RBFOX1: variants seen among roughly 807,000 people sequenced by gnomAD.
The protein encoded by RBFOX1 is RNA binding protein fox-1 homolog 1.
Under a neutral mutation model 57.7 loss-of-function variants are expected in RBFOX1, and 8 were observed. That is an observed-to-expected ratio of 0.14 (90% confidence interval 0.08 to 0.25). The LOEUF (loss-of-function observed/expected upper bound fraction) is 0.25, where lower values mean the gene tolerates loss of function less well. RBFOX1 is among the 10% of genes least tolerant of loss of function. The probability of loss-of-function intolerance (pLI) is 1.00; values close to 1 mark genes in which losing one functional copy is unlikely to be tolerated. For missense variants in RBFOX1, 611 were observed against 548.5 expected, an observed-to-expected ratio of 1.11 and a Z score of -1.14; for synonymous variants, 326 against 222.4, an observed-to-expected ratio of 1.47 and a Z score of -4.15.
intron 3 of RBFOX1, among the ~76,000 whole-genome samples, chr16:5,676,182 A>G (rs557134081): frequency 6.6e-6 from 1 of 152,076 alleles, no homozygotes; most frequent in African/African-American, 2.4e-5. Context: ...AGGTGTAGCA[A>G]ACCACCATGG....
At chr16:5,856,107 A>C (rs1409024619) in intron 3 of RBFOX1, among the ~76,000 whole-genome samples, 16 of 116,034 alleles carry the variant, frequency 1.4e-4, no homozygotes, top group African/African-American at 4.2e-4. Flanking sequence ...AAATTTACTG[A>C]ATTTGTATAT....
chr16:6,992,426 C>A (rs945180938), intron 3 of RBFOX1, among the ~76,000 whole-genome samples: 22 of 152,076 alleles, frequency 1.4e-4, no homozygotes, highest in Non-Finnish European at 2.2e-4. Context: ...CCATGTTGGC[C>A]AGGCTGGTCT....
rs116528323 is a variant in RBFOX1, at chr16:6,871,686, T to G, written c.-15-180371T>G. Reference sequence around the variant, plus strand: ...ACTGGCCTTTCTTCCTCCACTCTTGTCCCCATTAATCTATTCTCCATATAC... The same window carrying G: ...ACTGGCCTTTCTTCCTCCACTCTTGGCCCCATTAATCTATTCTCCATATAC... On this transcript the variant is annotated intron_variant, in intron 3 of 15. Coordinates refer to ENST00000550418, the MANE Select transcript of RBFOX1 (RefSeq NM_018723.4). 8.7e-3 allele frequency among the ~76,000 whole-genome samples: 1,328 copies of G among 152,232 alleles called. 26 individuals are homozygous for G. Among genetic ancestry groups the G allele is most frequent in the African/African-American group, 0.03 (1,265 of 41,538 alleles).
intron 3 of RBFOX1, among the ~76,000 whole-genome samples, chr16:6,859,734 T>G (rs2058675495): frequency 6.6e-6 from 1 of 152,196 alleles, no homozygotes; most frequent in Non-Finnish European, 1.5e-5. Context: ...CTTTCACCCT[T>G]GATCTTTGAC....
intron 1 of RBFOX1, among the ~76,000 whole-genome samples, chr16:6,045,373 T>C (rs1330947678): frequency 6.6e-6 from 1 of 152,120 alleles, no homozygotes; most frequent in Non-Finnish European, 1.5e-5. Context: ...GAGAGTTCTC[T>C]AGGAAGTAGG....
intron 2 of RBFOX1, among the ~76,000 whole-genome samples, chr16:6,342,507 T>A (rs918821428): frequency 1.3e-5 from 2 of 152,072 alleles, no homozygotes; most frequent in African/African-American, 4.8e-5. Context: ...TCTCTAAATT[T>A]AAAGATGTGC....
At chr16:6,736,196 A>G (rs62017576) in intron 3 of RBFOX1, among the ~76,000 whole-genome samples, 124,232 of 151,944 alleles carry the variant, frequency 0.82, 50,844 homozygotes, top group East Asian at 0.9. Flanking sequence ...TTATTTTTCC[A>G]TAAGTTATTG....
chr16:6,966,056 C>T (rs1038872801), intron 3 of RBFOX1, among the ~76,000 whole-genome samples: 1 of 152,056 alleles, frequency 6.6e-6, no homozygotes, highest in East Asian at 1.9e-4. Context: ...AAATAAGAAC[C>T]TGGACTTTGA....
chr16:5,584,398 G>C (rs982717554), intron 2 of RBFOX1, among the ~76,000 whole-genome samples: 11 of 152,120 alleles, frequency 7.2e-5, no homozygotes, highest in Admixed American at 6.5e-5. Context: ...TTATCACCAA[G>C]CTGCATCTCC....
At chr16:5,857,158 A>G (rs1200269901) in intron 3 of RBFOX1, among the ~76,000 whole-genome samples, 1 of 152,138 alleles carries the variant, frequency 6.6e-6, no homozygotes, top group African/African-American at 2.4e-5. Flanking sequence ...TGTCTCAGAG[A>G]ATAGGGAGAC....
At chr16:6,392,217 T>G (rs17140114) in intron 2 of RBFOX1, among the ~76,000 whole-genome samples, 45,531 of 152,132 alleles carry the variant, frequency 0.3, 7,824 homozygotes, top group South Asian at 0.6. Flanking sequence ...CTTTTACTGG[T>G]TAACTCTAAG....
At chr16:5,480,379 T>A (rs2069487700) in intron 2 of RBFOX1, among the ~76,000 whole-genome samples, 2 of 148,866 alleles carry the variant, frequency 1.3e-5, no homozygotes, top group Non-Finnish European at 3.0e-5. Context: ...ATAGATTATT[T>A]AAAAAAAAAA....
At chr16:6,885,331 G>A (rs958804484) in intron 3 of RBFOX1, among the ~76,000 whole-genome samples, 2 of 152,130 alleles carry the variant, frequency 1.3e-5, no homozygotes, top group Non-Finnish European at 1.5e-5. Context: ...AAGCTCTAGG[G>A]TTTGGGTGTC....
At chr16:6,681,445 G>C (rs1253821117) in intron 3 of RBFOX1, among the ~76,000 whole-genome samples, 2 of 152,220 alleles carry the variant, frequency 1.3e-5, no homozygotes, top group Non-Finnish European at 2.9e-5. Flanking sequence ...GCTGTGTGAA[G>C]AAGAGTTCAG....
intron 2 of RBFOX1, among the ~76,000 whole-genome samples, chr16:6,510,957 G>A (rs1474818481): frequency 2.0e-5 from 3 of 152,130 alleles, no homozygotes; most frequent in Non-Finnish European, 4.4e-5. Context: ...GAAATGTGGT[G>A]TGTGCTGCTT....
intron 4 of RBFOX1, among the ~76,000 whole-genome samples, chr16:7,349,351 G>C (rs2097084342): frequency 6.6e-6 from 1 of 152,102 alleles, no homozygotes. Flanking sequence ...TTCAATTTAA[G>C]TGACTTCGCT....
intron 2 of RBFOX1, among the ~76,000 whole-genome samples, chr16:6,378,422 C>G (rs907790287): frequency 6.6e-6 from 1 of 152,192 alleles, no homozygotes; most frequent in Non-Finnish European, 1.5e-5. Flanking sequence ...ATGCTGGAAG[C>G]AGCACCGATG....
chr16:6,413,211 T>G (rs1301481488), intron 2 of RBFOX1, among the ~76,000 whole-genome samples: 1 of 150,486 alleles, frequency 6.6e-6, no homozygotes, highest in African/African-American at 2.5e-5. Flanking sequence ...CCCAGAGACT[T>G]GGGCGGCTGA....
chr16:5,450,726 C>G (rs1193980847), intron 1 of RBFOX1, among the ~76,000 whole-genome samples: 1 of 152,198 alleles, frequency 6.6e-6, no homozygotes, highest in Non-Finnish European at 1.5e-5. Context: ...GCTCTGATGC[C>G]TTGCTGGGAG....
Sources: gnomAD v4.1 joint callset for allele counts (sites outside exome capture counted in the v4.1 genomes callset) on GRCh38, gnomAD v4.1.1 for gene constraint, MANE v1.5 for transcripts, NCBI Gene and HGNC (gene_info 2026-07-23, HGNC 2026-07-21) for gene names.